The following SPMIP4 variants were observed in gnomAD, a reference collection of about 807,000 sequenced individuals.
SPMIP4 encodes the protein sperm microtubule inner protein 4.
chr7:25,168,207 T>C, the SPMIP4 span: 1 of 1,218,986 alleles, frequency 8.2e-7, no homozygotes, highest in Non-Finnish European at 1.2e-6. Context: ...AAGACAGATT[T>C]AAGCAAACAA....
the SPMIP4 span, among the ~76,000 whole-genome samples, chr7:25,168,744 G>C: frequency 0.19 from 23,395 of 124,320 alleles, 2,517 homozygotes; most frequent in African/African-American, 0.34. Flanking sequence ...TTTTTTTTTT[G>C]AGACAGGTTC....
chr7:25,155,244 G>A, the SPMIP4 span: 1 of 1,448,930 alleles, frequency 6.9e-7, no homozygotes, highest in East Asian at 2.4e-5. Context: ...AAAGAAGTAT[G>A]GTTGAAAAAA....
chr7:25,179,638 C>CTA, the SPMIP4 span: 461 of 207,494 alleles, frequency 2.2e-3, 1 homozygote, highest in African/African-American at 0.01. Context: ...TTAAATTTAA[C>CTA]TATAACTATT....
chr7:25,130,590 A>T, the SPMIP4 span, among the ~76,000 whole-genome samples: 1 of 152,178 alleles, frequency 6.6e-6, no homozygotes, highest in Non-Finnish European at 1.5e-5. Flanking sequence ...CTGGGATTAT[A>T]GGTGTGAGCC....
the SPMIP4 span, chr7:25,135,970 T>C: frequency 6.3e-7 from 1 of 1,580,218 alleles, no homozygotes; most frequent in South Asian, 1.2e-5. Context: ...AGAATGAGTA[T>C]CTCAATTATA....
At chr7:25,136,145 C>G in the SPMIP4 span, 2 of 1,614,164 alleles carry the variant, frequency 1.2e-6, no homozygotes, top group Non-Finnish European at 1.7e-6. This position sits in a 1 kb window ranked among gnomAD's most constrained non-coding sequence, Gnocchi z 5.7. Context: ...GGTTTGGTCA[C>G]TCCAGCTCTA....
chr7:25,142,659 C>T, the SPMIP4 span: 124 of 1,612,028 alleles, frequency 7.7e-5, no homozygotes, highest in Admixed American at 1.2e-4. Context: ...CATGAGTGTA[C>T]GAAGTGAGCC....
chr7:25,166,906 AT>A, the SPMIP4 span, among the ~76,000 whole-genome samples: 1 of 152,084 alleles, frequency 6.6e-6, no homozygotes, highest in Non-Finnish European at 1.5e-5. Context: ...AAAAAAAAAA[AT>A]TAAGAGATAT....
the SPMIP4 span, chr7:25,158,470 C>G: frequency 0.11 from 174,136 of 1,551,974 alleles, 12,407 homozygotes; most frequent in African/African-American, 0.34. Flanking sequence ...TTGATTATAA[C>G]AGAGAAGGAA....
the SPMIP4 span, chr7:25,136,005 G>A: frequency 5.6e-6 from 9 of 1,611,380 alleles, no homozygotes; most frequent in Non-Finnish European, 6.8e-6. This position sits in a 1 kb window ranked among gnomAD's most constrained non-coding sequence, Gnocchi z 5.7. Context: ...TATGGCCATA[G>A]AATTGGTGCT....
At chr7:25,130,476 C>G in the SPMIP4 span, among the ~76,000 whole-genome samples, 21 of 151,882 alleles carry the variant, frequency 1.4e-4, no homozygotes, top group Non-Finnish European at 2.8e-4. Flanking sequence ...CCATGCCCGG[C>G]TAATTTTTTG....
chr7:25,158,194 C>T, the SPMIP4 span, among the ~76,000 whole-genome samples: 1 of 149,646 alleles, frequency 6.7e-6, no homozygotes, highest in Non-Finnish European at 1.5e-5. Flanking sequence ...ATAGCAAGAA[C>T]CCATCTCTAC....
At chr7:25,158,272 G>A in the SPMIP4 span, among the ~76,000 whole-genome samples, 21 of 151,596 alleles carry the variant, frequency 1.4e-4, no homozygotes. Flanking sequence ...GGAGGTGAAG[G>A]TGGAAGGATC....
At chr7:25,179,138 G>A in the SPMIP4 span, 2 of 1,571,816 alleles carry the variant, frequency 1.3e-6, no homozygotes, top group East Asian at 2.3e-5. Context: ...CATTAAAACT[G>A]CTTTTTCTTG....
At chr7:25,178,297 A>G in the SPMIP4 span, among the ~76,000 whole-genome samples, 1 of 152,218 alleles carries the variant, frequency 6.6e-6, no homozygotes, top group South Asian at 2.1e-4. Flanking sequence ...ATGGTAGAAC[A>G]ACTTATATTC....
At chr7:25,141,509 T>G in the SPMIP4 span, among the ~76,000 whole-genome samples, 3 of 142,268 alleles carry the variant, frequency 2.1e-5, no homozygotes, top group Non-Finnish European at 4.5e-5. Flanking sequence ...GAGGCGGAGG[T>G]TGCAGTGAGC....
At chr7:25,131,525 A>T in the SPMIP4 span, among the ~76,000 whole-genome samples, 2 of 152,220 alleles carry the variant, frequency 1.3e-5, no homozygotes, top group South Asian at 4.1e-4. This position sits in a 1 kb window ranked among gnomAD's most constrained non-coding sequence, Gnocchi z 4.2. Flanking sequence ...GTTCTATGCC[A>T]GACTGGTCAT....
At chr7:25,128,299 C>T in the SPMIP4 span, among the ~76,000 whole-genome samples, 1 of 152,230 alleles carries the variant, frequency 6.6e-6, no homozygotes, top group East Asian at 1.9e-4. The surrounding 1 kb of genome is among the most constrained non-coding windows in gnomAD (Gnocchi z 4.5). Flanking sequence ...AAGTTCTCTC[C>T]ATCTTCAAGT....
the SPMIP4 span, among the ~76,000 whole-genome samples, chr7:25,140,999 C>T: frequency 1.2e-4 from 19 of 152,234 alleles, no homozygotes; most frequent in South Asian, 3.3e-3. Flanking sequence ...AATTTGTAGT[C>T]GTCGAGAATA....
Sources: gnomAD v4.1 joint callset for allele counts (sites outside exome capture counted in the v4.1 genomes callset) on GRCh38, gnomAD v4.1.1 for gene constraint, Gnocchi (gnomAD v3.1) non-coding constraint, MANE v1.5 for transcripts, NCBI Gene and HGNC (gene_info 2026-07-23, HGNC 2026-07-21) for gene names.